TMEM38B: variants seen among roughly 807,000 people sequenced by gnomAD.
TMEM38B encodes transmembrane protein 38B.
Under a neutral mutation model 28.7 loss-of-function variants are expected in TMEM38B, and 24 were observed. The observed-to-expected ratio is 0.84, with a 90% CI of 0.61 to 1.18. The LOEUF (loss-of-function observed/expected upper bound fraction) is 1.18, where lower values mean the gene tolerates loss of function less well. TMEM38B is among the 50% of genes most tolerant of loss of function. The pLI is 0.00. For missense variants in TMEM38B, 380 were observed against 350.9 expected, an observed-to-expected ratio of 1.08 and a Z score of -0.66; for synonymous variants, 131 against 127.7, an observed-to-expected ratio of 1.03 and a Z score of -0.17.
chr9:105,723,701 TTTTTA>T (rs1193436438), intron 4 of TMEM38B, among the ~76,000 whole-genome samples: 10 of 151,996 alleles, frequency 6.6e-5, no homozygotes, highest in African/African-American at 2.4e-4. Flanking sequence ...CCAGCCAGTA[TTTTTA>T]TTTTTGTAGA....
At chr9:105,747,208 G>T (rs1837439091) in intron 4 of TMEM38B, among the ~76,000 whole-genome samples, 1 of 152,170 alleles carries the variant, frequency 6.6e-6, no homozygotes, top group South Asian at 2.1e-4. Flanking sequence ...TCTGGTCCTG[G>T]ACTTTTTTTG....
At chr9:105,711,499 G>C (rs948470148) in intron 2 of TMEM38B, among the ~76,000 whole-genome samples, 4 of 151,510 alleles carry the variant, frequency 2.6e-5, no homozygotes, top group South Asian at 2.1e-4. Flanking sequence ...CCAAACATAA[G>C]ACCTAATGAA....
In TMEM38B at chr9:105,775,783, G is replaced by A. The variant is rs1235000171; in HGVS notation, c.*1703G>A. 6.6e-6 allele frequency: 1 copy of A among 151,986 alleles called. No homozygotes were observed. The highest frequency in any genetic ancestry group is 1.5e-5 in the Non-Finnish European group (1 of 67,992). The allele number at this position is 151,986 out of a possible 1,614,324, so 9.4% of individuals were successfully genotyped here. A position where few individuals can be genotyped will look rare whatever the true frequency, so the allele number is the denominator to read the frequency against. Reference sequence around the variant, plus strand: ...ACTCTTGTTTTACACTTGTATTAAAGATAAATTTATTAAAATAAGTTATTT... The same window carrying A: ...ACTCTTGTTTTACACTTGTATTAAAAATAAATTTATTAAAATAAGTTATTT... On this transcript the variant is annotated 3_prime_UTR_variant, in exon 6 of 6. Transcript: ENST00000374692.
intron 2 of TMEM38B, among the ~76,000 whole-genome samples, chr9:105,716,633 G>A (rs74201506): frequency 6.6e-6 from 1 of 151,896 alleles, no homozygotes. Context: ...TTTGAACTGT[G>A]TGAATCCACT....
chr9:105,774,040 C>A lies in TMEM38B; in HGVS notation c.836C>A (p.Ser279Ter), dbSNP rs140344242. Residue 279 changes from serine (S) to a stop codon, truncating the protein, a stop_gained, in exon 6 of 6, where the codon TCA becomes TAA. Coordinates refer to ENST00000374692, the MANE Select transcript of TMEM38B (RefSeq NM_018112.3). LOFTEE classifies it high-confidence loss of function. ...GCCTCAAAGCCGGTAGATGTTGCCTCAGATAATGTTAAAAAGAAACATACT... is the reference window on the plus strand; with the variant it reads ...GCCTCAAAGCCGGTAGATGTTGCCTAAGATAATGTTAAAAAGAAACATACT... Reference protein sequence around the residue: ...SLASKPVDVASDNVKKKHTKK... With the variant: ...SLASKPVDVA The A allele has an allele frequency of 9.9e-6, 16 of 1,613,496 alleles. No individual in the cohort carries two copies. In the African/African-American group the frequency reaches 1.7e-4, roughly 18 times the overall value.
chr9:105,730,690 G>C (rs890333935), intron 4 of TMEM38B, among the ~76,000 whole-genome samples: 10 of 152,108 alleles, frequency 6.6e-5, no homozygotes, highest in Non-Finnish European at 1.5e-4. Flanking sequence ...GAATCCATCT[G>C]GTCCTGGACT....
Position 105,754,837 on chromosome 9 carries a change from C to G in TMEM38B, c.660+6647C>G, listed in dbSNP as rs539253383. Among the ~76,000 whole-genome samples, 8 of 152,162 alleles carry G rather than the reference C, an allele frequency of 5.3e-5. No individual in the cohort carries two copies. In the South Asian group the frequency reaches 1.2e-3, roughly 24 times the overall value. On this transcript the variant is annotated intron_variant, in intron 5 of 5. Transcript: ENST00000374692. ...TCAAAAAAATCAACAAATCCATGAG[C>G]TGGTTTTTGGAAAACGTTTATAAAT...
At chr9:105,763,277 T>C (rs1838133136) in intron 5 of TMEM38B, among the ~76,000 whole-genome samples, 2 of 152,228 alleles carry the variant, frequency 1.3e-5, no homozygotes, top group African/African-American at 4.8e-5. Flanking sequence ...CTCTCATTTG[T>C]CAATTTTGGC....
intron 4 of TMEM38B, among the ~76,000 whole-genome samples, chr9:105,730,250 T>C (rs1047272558): frequency 1.3e-5 from 2 of 152,184 alleles, no homozygotes; most frequent in Admixed American, 1.3e-4. Context: ...GAGATACGTT[T>C]CAGCAATACC....
intron 1 of TMEM38B, among the ~76,000 whole-genome samples, chr9:105,702,010 T>A (rs1835477735): frequency 6.6e-6 from 1 of 152,036 alleles, no homozygotes; most frequent in Non-Finnish European, 1.5e-5. Flanking sequence ...AGGCCAGAAG[T>A]TTGAGACCAG....
chr9:105,760,498 C>A, intron 5 of TMEM38B: 1 of 743,742 alleles, frequency 1.3e-6, no homozygotes, highest in South Asian at 1.5e-5. Context: ...GATTAGTGCT[C>A]AGGACTTTGA....
At chr9:105,764,519 T>G (rs1826285659) in intron 5 of TMEM38B, among the ~76,000 whole-genome samples, 1 of 152,082 alleles carries the variant, frequency 6.6e-6, no homozygotes, top group Non-Finnish European at 1.5e-5. Context: ...GGAATCCAAC[T>G]TACAAGGGAT....
intron 4 of TMEM38B, among the ~76,000 whole-genome samples, chr9:105,723,013 G>A (rs991706299): frequency 1.3e-5 from 2 of 152,082 alleles, no homozygotes; most frequent in Non-Finnish European, 2.9e-5. Context: ...CAGATTTCAG[G>A]CTATATATGT....
chr9:105,721,464 CT>C, intron 2 of TMEM38B, 72 bp from the exon 3 acceptor site: 1 of 1,094,406 alleles, frequency 9.1e-7, no homozygotes, highest in South Asian at 2.4e-5. Context: ...ATTGTTGTTG[CT>C]GTTAGGTTAG....
rs559759563 is a variant in TMEM38B at position 105,749,706 on chromosome 9, G to A, written c.660+1516G>A. Reference sequence around the variant, plus strand: ...CCAAAAAGAAACATCGTATTCTTTAGAAGTCATTTCACATTTTCCCCAATA... The same window carrying A: ...CCAAAAAGAAACATCGTATTCTTTAAAAGTCATTTCACATTTTCCCCAATA... On this transcript the variant is annotated intron_variant, in intron 5 of 5. Transcript: ENST00000374692. Among the ~76,000 whole-genome samples, 302 of 152,298 alleles carry A rather than the reference G, an allele frequency of 2.0e-3. 1 individual carries two copies. Among genetic ancestry groups the A allele is most frequent in the Middle Eastern group, 6.8e-3 (2 of 294 alleles).
At chr9:105,750,928 G>C (rs1476711723) in intron 5 of TMEM38B, among the ~76,000 whole-genome samples, 1 of 152,094 alleles carries the variant, frequency 6.6e-6, no homozygotes, top group Non-Finnish European at 1.5e-5. Flanking sequence ...TTACAATCTT[G>C]TCAAAAATCA....
At chr9:105,753,628 T>G (rs1293940936) in intron 5 of TMEM38B, among the ~76,000 whole-genome samples, 1 of 152,192 alleles carries the variant, frequency 6.6e-6, no homozygotes, top group Non-Finnish European at 1.5e-5. Flanking sequence ...AGGGAATTCA[T>G]GACCACCAGG....
intron 5 of TMEM38B, chr9:105,760,841 A>G (rs766721374): frequency 1.9e-5 from 12 of 638,450 alleles, no homozygotes; most frequent in Non-Finnish European, 2.6e-5. Context: ...GAAGTCTGTT[A>G]TTAATAAGGT....
intron 1 of TMEM38B, among the ~76,000 whole-genome samples, chr9:105,702,521 G>A (rs1231267204): frequency 6.6e-6 from 1 of 152,114 alleles, no homozygotes; most frequent in East Asian, 1.9e-4. Flanking sequence ...TCTAACTTTT[G>A]TTATAACTGT....
Sources: allele counts gnomAD v4.1 joint callset (sites outside exome capture counted in the v4.1 genomes callset), GRCh38; gene constraint gnomAD v4.1.1; transcripts MANE v1.5; gene names NCBI Gene and HGNC (gene_info 2026-07-23, HGNC 2026-07-21).